Variants in UGT2B11 observed in about 807,000 individuals in gnomAD.
The protein encoded by UGT2B11 is UDP glucuronosyltransferase family 2 member B11, also known as UDP-glucuronosyltransferase 2B11.
Under a neutral mutation model 51.7 loss-of-function variants are expected in UGT2B11, and 49 were observed. The observed-to-expected ratio is 0.95, with a 90% CI of 0.75 to 1.20. The LOEUF is 1.20. Ranked by LOEUF, UGT2B11 falls within the 50% of genes most tolerant of loss-of-function variation. UGT2B11 has a pLI of 0.00. For missense variants in UGT2B11, 810 were observed against 622.1 expected, an observed-to-expected ratio of 1.30 and a Z score of -3.21; for synonymous variants, 273 against 209.0, an observed-to-expected ratio of 1.31 and a Z score of -2.64.
chr4:69,201,840 C>T (rs1360323864), intron 5 of UGT2B11, among the ~76,000 whole-genome samples: 1 of 151,730 alleles, frequency 6.6e-6, no homozygotes, highest in Non-Finnish European at 1.5e-5. Flanking sequence ...GATAAATATA[C>T]ATACACTAAG....
At position 69,206,471 on chromosome 4, in the gene UGT2B11, T is replaced by A. The variant is rs567853793; in HGVS notation, c.1003-904A>T. Among the ~76,000 whole-genome samples the A allele has an allele frequency of 2.0e-3, 310 of 151,442 alleles. 2 individuals are homozygous for A. Among genetic ancestry groups the A allele is most frequent in the African/African-American group, 6.3e-3 (261 of 41,376 alleles). ...GGCAACAACATACACTGAGATGTAT[T>A]GGAGGGTGGAGGGTGGGAGGAAAGA... On this transcript the variant is annotated intron_variant, in intron 3 of 5. Transcript: ENST00000446444.
At chr4:69,205,605 A>G (rs756213153) in intron 3 of UGT2B11, 38 bp from the exon 4 acceptor site, 2 of 1,593,678 alleles carry the variant, frequency 1.3e-6, no homozygotes, top group South Asian at 2.2e-5. Flanking sequence ...CCATGAGTGG[A>G]ACTCAAAAAT....
chr4:69,222,542 A>T, the UGT2B11 span, among the ~76,000 whole-genome samples: 3 of 152,000 alleles, frequency 2.0e-5, no homozygotes, highest in Admixed American at 6.6e-5. Context: ...AATTTTTGCC[A>T]CTCCTCCAGG....
chr4:69,212,015 C>A (rs541826953), intron 2 of UGT2B11, among the ~76,000 whole-genome samples: 1 of 151,526 alleles, frequency 6.6e-6, no homozygotes, highest in Admixed American at 6.6e-5. Flanking sequence ...GTCTGCCCCT[C>A]CCCTTCATTC....
chr4:69,200,510 A>G lies in UGT2B11; in HGVS notation c.1520T>C (p.Ile507Thr). The change falls in exon 6 of 6, where the codon ATC becomes ACC. Residue 507 changes from isoleucine to threonine, a missense_variant. Ile to Thr is a moderately conservative substitution (Grantham distance 89). Coordinates refer to ENST00000446444, the MANE Select transcript of UGT2B11 (RefSeq NM_001073.3). ...LLACVATVIFIITKFCLFCFW... is the reference protein window; with the variant it reads ...LLACVATVIFTITKFCLFCFW... ...ACAAAACAGACAAAACTTTGTGATG[A>G]TAAATATCACAGTTGCCACACAGGC... 2 of 1,612,218 alleles carry G rather than the reference A, an allele frequency of 1.2e-6. No individual in the cohort carries two copies. Among genetic ancestry groups the G allele is most frequent in the Non-Finnish European group, 1.7e-6 (2 of 1,178,876 alleles).
chr4:69,200,220 T>C lies in UGT2B11; in HGVS notation c.*220A>G. ...TTATATTATTTTTTAATTTTCCTAG[T>C]ATTTTCTTCATTGCCACAAAATATT... On this transcript the variant is annotated 3_prime_UTR_variant, in exon 6 of 6. Coordinates refer to ENST00000446444, the MANE Select transcript of UGT2B11 (RefSeq NM_001073.3). 1 of 530,686 alleles carries C rather than the reference T, an allele frequency of 1.9e-6. No individual in the cohort carries two copies. Among genetic ancestry groups the C allele is most frequent in the Non-Finnish European group, 2.8e-6 (1 of 357,134 alleles). 32.9% of individuals were successfully genotyped at this position (530,686 alleles called of 1,614,324 possible). A position where few individuals can be genotyped will look rare whatever the true frequency, so the allele number is the denominator to read the frequency against.
At position 69,204,237 on chromosome 4, in the gene UGT2B11, A is replaced by G. The variant is rs539337273; in HGVS notation, c.1310+193T>C. 49 of 731,406 alleles carry G rather than the reference A, an allele frequency of 6.7e-5. No individual in the cohort carries two copies. The African/African-American group carries it at 7.5e-4, about 11-fold the overall frequency. The allele number at this position is 731,406 out of a possible 1,614,324, so 45.3% of individuals were successfully genotyped here. A position where few individuals can be genotyped will look rare whatever the true frequency, so the allele number is the denominator to read the frequency against. On this transcript the variant is annotated intron_variant, in intron 5 of 5. Coordinates refer to ENST00000446444, the MANE Select transcript of UGT2B11 (RefSeq NM_001073.3). ...TAGAAAATTGCTTCACTAACTGGTT[A>G]CTCATTAGATGTATGGGATTCAAAC...
At chr4:69,212,503 T>G (rs187200338) in intron 2 of UGT2B11, 70 bp downstream of exon 2, 4 of 1,565,920 alleles carry the variant, frequency 2.6e-6, no homozygotes, top group East Asian at 4.6e-5. Context: ...ACATTTTGAA[T>G]GAAAACTATA....
At position 69,208,461 on chromosome 4, in the gene UGT2B11, T is replaced by G; in HGVS notation, c.892A>C (p.Ser298Arg). Residue 298 changes from serine to arginine, a missense_variant, in exon 3 of 6, where the codon AGC becomes CGC. Physicochemically the swap from Ser to Arg is moderately radical, Grantham distance 110. Transcript: ENST00000446444. ...ACCACAACACCATTTTCTCCAGAGC[T>G]CTGTACAAACTCCTCCATTTCCTGT... ...LPKEMEEFVQ[S>R]SGENGVVVFS... is the part of the protein sequence containing the mutation. 6.2e-7 allele frequency: 1 copy of G among 1,609,168 alleles called. No individual in the cohort carries two copies. Among genetic ancestry groups the G allele is most frequent in the Non-Finnish European group, 8.5e-7 (1 of 1,177,902 alleles).
intron 2 of UGT2B11, among the ~76,000 whole-genome samples, chr4:69,210,204 G>GCACATACA (rs1455388967): frequency 1.3e-5 from 2 of 151,548 alleles, no homozygotes; most frequent in Non-Finnish European, 3.0e-5. Context: ...GCTATTGTAT[G>GCACATACA]CACATACATT....
At chr4:69,217,619 C>A (rs1722307080), upstream of UGT2B11, among the ~76,000 whole-genome samples, 1 of 151,980 alleles carries the variant, frequency 6.6e-6, no homozygotes, top group Admixed American at 6.6e-5. Context: ...CAGCCCATAT[C>A]CAATGCCTGG....
chr4:69,214,502 A>G lies in UGT2B11; in HGVS notation c.221T>C (p.Phe74Ser). The G allele has an allele frequency of 6.2e-7, 1 of 1,613,186 alleles. No individual in the cohort carries two copies. The change falls in exon 1 of 6, where the codon TTT becomes TCT. Residue 74 changes from phenylalanine to serine, a missense_variant. Transcript: ENST00000446444. ...AGTTAAAGATGTAGGATAAACTTCA[A>G]ATTTAAGAGTGGATGCATCATTGGG... Reference protein sequence around the residue: ...FDPNDASTLKFEVYPTSLTKT... With the variant: ...FDPNDASTLKSEVYPTSLTKT...
chr4:69,200,808 A>G, intron 5 of UGT2B11, 89 bp from the exon 6 acceptor site: 2 of 1,321,080 alleles, frequency 1.5e-6, no homozygotes, highest in Non-Finnish European at 1.0e-6. Flanking sequence ...AAAGCATCAA[A>G]TAATTCAAAA....
upstream of UGT2B11, chr4:69,215,459 G>C (rs750284678): frequency 2.0e-5 from 3 of 151,734 alleles, no homozygotes; most frequent in Non-Finnish European, 2.9e-5. Context: ...GTGTAAATAA[G>C]GACTTCATTT....
At chr4:69,217,617 A>T (rs1271458999), upstream of UGT2B11, among the ~76,000 whole-genome samples, 1 of 151,902 alleles carries the variant, frequency 6.6e-6, no homozygotes, top group African/African-American at 2.4e-5. Flanking sequence ...GACAGCCCAT[A>T]TCCAATGCCT....
At chr4:69,220,563 G>T in the UGT2B11 span, among the ~76,000 whole-genome samples, 3 of 12,120 alleles carry the variant, frequency 2.5e-4, no homozygotes, top group Non-Finnish European at 5.4e-4. Context: ...TGATGGCCTC[G>T]ATCCTGAAGA....
rs759232975 is a variant in UGT2B11 at position 69,214,196 on chromosome 4, G to T, written c.527C>A (p.Pro176His). 3.1e-6 allele frequency: 5 copies of T among 1,612,944 alleles called. No homozygotes were observed. The highest frequency in any genetic ancestry group is 4.2e-6 in the Non-Finnish European group (5 of 1,179,424). ...IRFVYSLRFT[P>H]GYTIERHSGG... ...ACTGTGCCTTTCAATTGTGTAGCCA[G>T]GAGTAAAGCGGAGACTGTACACAAA... The change falls in exon 1 of 6, where the codon CCT becomes CAT. Residue 176 changes from proline (P) to histidine (H), a missense_variant. By Grantham distance (77) the Pro-to-His change is moderately conservative. Transcript: ENST00000446444.
intron 3 of UGT2B11, among the ~76,000 whole-genome samples, chr4:69,206,911 C>G (rs919461506): frequency 2.6e-5 from 4 of 151,452 alleles, no homozygotes; most frequent in Non-Finnish European, 4.4e-5. Context: ...AATAGCAAGT[C>G]TATAAAATAA....
At chr4:69,200,839 G>A in intron 5 of UGT2B11, 120 bp from the exon 6 acceptor site, 2 of 1,205,328 alleles carry the variant, frequency 1.7e-6, no homozygotes, top group African/African-American at 1.6e-5. Flanking sequence ...AGAATTGACA[G>A]AGAATTTGTG....
Sources: gnomAD v4.1 joint callset for allele counts (sites outside exome capture counted in the v4.1 genomes callset) on GRCh38, gnomAD v4.1.1 for gene constraint, MANE v1.5 for transcripts, NCBI Gene and HGNC (gene_info 2026-07-23, HGNC 2026-07-21) for gene names.